VPS13D: variants seen among roughly 807,000 people sequenced by gnomAD.
VPS13D encodes the protein intermembrane lipid transfer protein VPS13D.
In VPS13D, 187 loss-of-function variants were observed where a neutral mutation model predicts 461.9. The ratio of observed to expected loss-of-function variants is 0.40; its 90% CI spans 0.36 to 0.46. The LOEUF (loss-of-function observed/expected upper bound fraction) is 0.46, where lower values mean the gene tolerates loss of function less well. Among genes scored for constraint, VPS13D ranks in the 20% least tolerant of loss-of-function variants. The pLI, the probability that VPS13D is intolerant of heterozygous loss-of-function variation, is 0.60. For missense variants in VPS13D, 4,711 were observed against 5,364.9 expected, an observed-to-expected ratio of 0.88 and a Z score of 3.81; for synonymous variants, 1,951 against 1,986.3, an observed-to-expected ratio of 0.98 and a Z score of 0.47.
Position 12,419,026 on chromosome 1 carries a change from T to G in VPS13D, c.12333+2199T>G, listed in dbSNP as rs139180889. Among the ~76,000 whole-genome samples, 325 of 152,332 alleles carry G rather than the reference T, an allele frequency of 2.1e-3. 2 individuals carry two copies. Among genetic ancestry groups the G allele is most frequent in the African/African-American group, 7.3e-3 (305 of 41,574 alleles). The stretch of plus-strand genomic sequence containing the variant: ...TTGGTTTGTGGAAGTCTCGTTTGTT[T>G]CCTGGTTTTTCTGTTTTCCCTGAAA... On this transcript the variant is annotated intron_variant, in intron 65 of 69. Coordinates refer to ENST00000620676, the MANE Select transcript of VPS13D (RefSeq NM_015378.4).
At position 12,283,880 on chromosome 1, in the gene VPS13D, A is replaced by G. The variant is rs1044812826; in HGVS notation, c.5634+144A>G. On this transcript the variant is annotated intron_variant, in intron 21 of 69. Transcript: ENST00000620676. ...TAGTCTTCTAGGTGTTTGCTACGAA[A>G]GGTAGACATGAATATTTTGGGAAAG... 5.6e-6 allele frequency: 5 copies of G among 886,132 alleles called. No homozygotes were observed. In the African/African-American group the frequency reaches 8.5e-5, roughly 15 times the overall value. The allele number at this position is 886,132 out of a possible 1,614,324, so 54.9% of individuals were successfully genotyped here.
intron 68 of VPS13D, among the ~76,000 whole-genome samples, chr1:12,498,877 C>G (rs1645997035): frequency 6.6e-6 from 1 of 152,154 alleles, no homozygotes; most frequent in Non-Finnish European, 1.5e-5. Flanking sequence ...AACCTTATGA[C>G]TTAATTTAAC....
intron 17 of VPS13D, 70 bp from the exon 18 acceptor site, chr1:12,272,933 A>G: frequency 1.3e-6 from 2 of 1,558,692 alleles, no homozygotes; most frequent in Non-Finnish European, 1.7e-6. Flanking sequence ...GCTTCCAGAA[A>G]TGCTTGAGCA....
chr1:12,339,653 A>G (rs1643525481), intron 40 of VPS13D, among the ~76,000 whole-genome samples: 1 of 152,132 alleles, frequency 6.6e-6, no homozygotes, highest in Non-Finnish European at 1.5e-5. Context: ...TACATAGTTT[A>G]TTTGGACCCT....
At chr1:12,301,992 C>T (rs954148976) in intron 25 of VPS13D, among the ~76,000 whole-genome samples, 6 of 152,166 alleles carry the variant, frequency 3.9e-5, no homozygotes, top group Admixed American at 3.9e-4. Context: ...AGTGTCCTTA[C>T]AAAACCGAAA....
chr1:12,260,316 C>T (rs556768107), intron 10 of VPS13D, among the ~76,000 whole-genome samples: 6 of 152,150 alleles, frequency 3.9e-5, no homozygotes, highest in Non-Finnish European at 8.8e-5. Context: ...TGAGCCACCG[C>T]ACCTGGCCAC....
intron 51 of VPS13D, 79 bp from the exon 52 acceptor site, chr1:12,362,993 G>A: frequency 6.3e-7 from 1 of 1,584,682 alleles, no homozygotes; most frequent in Non-Finnish European, 8.6e-7. Context: ...TAGAGGGTAA[G>A]GCTCAGAGTA....
chr1:12,276,534 T>C lies in VPS13D; in HGVS notation c.2946T>C (p.Gly982=). 2 of 1,614,208 alleles carry C rather than the reference T, an allele frequency of 1.2e-6. No homozygotes were observed. The highest frequency in any genetic ancestry group is 1.7e-6 in the Non-Finnish European group (2 of 1,180,038). ...ACATTTCTGTGCTCAAGGTGTTTGG[T>C]ACCAATGCTCACTTTGTGAAGAGGC... ...GRYISVLKVF[G]TNAHFVKRPY... Residue 982 remains glycine (G), a synonymous_variant, in exon 19 of 70, where the codon GGT becomes GGC. Transcript: ENST00000620676. The surrounding 1 kb of genome is among the most constrained non-coding windows in gnomAD (Gnocchi z 4.5).
Position 12,498,132 on chromosome 1 carries a change from A to T in VPS13D, c.12794+501A>T, listed in dbSNP as rs185877132. Among the ~76,000 whole-genome samples, 9 of 152,324 alleles carry T rather than the reference A, an allele frequency of 5.9e-5. No individual in the cohort carries two copies. In the East Asian group the frequency reaches 1.7e-3, roughly 29 times the overall value. ...CCTTGTCATATCTTCAGTTAGTGATATTATTCCTAGTTGACACGGTAGAGT... is the reference window on the plus strand; with the variant it reads ...CCTTGTCATATCTTCAGTTAGTGATTTTATTCCTAGTTGACACGGTAGAGT... On this transcript the variant is annotated intron_variant, in intron 68 of 69. Coordinates refer to ENST00000620676, the MANE Select transcript of VPS13D (RefSeq NM_015378.4).
rs1419796668 is a variant in VPS13D, at chr1:12,318,240, T to G, written c.7317T>G (p.Ala2439=). ...SRHRNSSSES[A]IVPKTVKSGV... ...ACCGTAACTCTAGCAGCGAATCTGCTATAGTTCCCAAAACTGTGAAGAGTG... is the reference window on the plus strand; with the variant it reads ...ACCGTAACTCTAGCAGCGAATCTGCGATAGTTCCCAAAACTGTGAAGAGTG... The change falls in exon 31 of 70, where the codon GCT becomes GCG. Residue 2439 remains alanine (A), a synonymous_variant. Transcript: ENST00000620676. 3.7e-6 allele frequency: 6 copies of G among 1,614,092 alleles called. No individual in the cohort carries two copies. Among genetic ancestry groups the G allele is most frequent in the Non-Finnish European group, 5.1e-6 (6 of 1,180,042 alleles).
chr1:12,318,888 T>A (rs1420062433), intron 31 of VPS13D, among the ~76,000 whole-genome samples: 2 of 152,244 alleles, frequency 1.3e-5, no homozygotes, highest in Non-Finnish European at 2.9e-5. Context: ...TCAGTGATTT[T>A]GATGAAGCTG....
intron 41 of VPS13D, among the ~76,000 whole-genome samples, chr1:12,342,175 T>A (rs369395760): frequency 2.0e-5 from 3 of 152,198 alleles, no homozygotes; most frequent in East Asian, 3.9e-4. Context: ...TTCCATCTTT[T>A]CTCCTCGATC....
chr1:12,334,098 A>G (rs1433671693), intron 38 of VPS13D, among the ~76,000 whole-genome samples: 2 of 152,224 alleles, frequency 1.3e-5, no homozygotes, highest in African/African-American at 4.8e-5. Context: ...TTTGGTGTGT[A>G]TGTTGGATTG....
intron 20 of VPS13D, among the ~76,000 whole-genome samples, 179 bp from the exon 21 acceptor site, chr1:12,282,526 T>C (rs1423441785): frequency 6.6e-6 from 1 of 152,178 alleles, no homozygotes; most frequent in Non-Finnish European, 1.5e-5. Context: ...GGGAGGGCCT[T>C]GTGAACAGAA....
At chr1:12,442,025 A>AT (rs528406034) in intron 65 of VPS13D, among the ~76,000 whole-genome samples, 5 of 152,036 alleles carry the variant, frequency 3.3e-5, no homozygotes, top group Non-Finnish European at 5.9e-5. Flanking sequence ...ATAAAACATG[A>AT]TTTTTTTAGC....
intron 59 of VPS13D, among the ~76,000 whole-genome samples, 162 bp from the exon 60 acceptor site, chr1:12,386,023 A>G (rs961002041): frequency 6.6e-6 from 1 of 152,232 alleles, no homozygotes; most frequent in Non-Finnish European, 1.5e-5. Context: ...AGATGATAGC[A>G]TTTGAGCCCT....
In VPS13D at chr1:12,415,138, A is replaced by G; in HGVS notation, c.12082A>G (p.Ile4028Val). Residue 4028 changes from isoleucine to valine, a missense_variant, in exon 64 of 70, where the codon ATT becomes GTT. Physicochemically the swap from Ile to Val is conservative, Grantham distance 29. This residue lies in a region of VPS13D where 4,411 missense variants were observed against 4,937.8 expected (regional missense o/e 0.89). Coordinates refer to ENST00000620676, the MANE Select transcript of VPS13D (RefSeq NM_015378.4). ...TTTGATACGGTTTGAAGACGCTGTG[A>G]TTAATCTAGATCCATTCACTCGGGT... ...FPLIRFEDAV[I>V]NLDPFTRVHP... 1 of 1,614,102 alleles carries G rather than the reference A, an allele frequency of 6.2e-7. No homozygotes were observed. The highest frequency in any genetic ancestry group is 8.5e-7 in the Non-Finnish European group (1 of 1,180,006).
intron 50 of VPS13D, among the ~76,000 whole-genome samples, chr1:12,361,488 C>A (rs1286324440): frequency 6.7e-6 from 1 of 149,340 alleles, no homozygotes; most frequent in Non-Finnish European, 1.5e-5. Flanking sequence ...CTCCGCCTCC[C>A]GGGTCCACGC....
rs986615084 is a variant in VPS13D, at chr1:12,312,043, C to T, written c.6935+118C>T. ...TGGCCCACAGATGGAATGTTGTCTG[C>T]AGAGTGTCTTTTGGTTGATCTACAC... is the stretch of plus-strand genomic sequence containing the variant. On this transcript the variant is annotated intron_variant, in intron 29 of 69. Transcript: ENST00000620676. 11 of 683,494 alleles carry T rather than the reference C, an allele frequency of 1.6e-5. No homozygotes were observed. The Admixed American group carries it at 2.8e-4, about 17-fold the overall frequency. The allele number at this position is 683,494 out of a possible 1,614,324, so 42.3% of individuals were successfully genotyped here. A position where few individuals can be genotyped will look rare whatever the true frequency, so the allele number is the denominator to read the frequency against.
Sources: allele counts gnomAD v4.1 joint callset (sites outside exome capture counted in the v4.1 genomes callset), GRCh38; gene constraint gnomAD v4.1.1; regional missense constraint gnomAD v4.1.1; non-coding constraint Gnocchi (gnomAD v3.1); transcripts MANE v1.5; gene names NCBI Gene and HGNC (gene_info 2026-07-23, HGNC 2026-07-21).